The following NRXN1 variants were observed in gnomAD, a reference collection of about 807,000 sequenced individuals.
NRXN1 encodes neurexin-1.
In NRXN1, 39 loss-of-function variants were observed where a neutral mutation model predicts 150.9. That is an observed-to-expected ratio of 0.26 (90% CI 0.20 to 0.34). The LOEUF (loss-of-function observed/expected upper bound fraction) is 0.34, where lower values mean the gene tolerates loss of function less well. NRXN1 is among the 10% of genes least tolerant of loss of function. The pLI, the probability that NRXN1 is intolerant of heterozygous loss-of-function variation, is 1.00. For missense variants in NRXN1, 1,815 were observed against 1,949.9 expected (o/e 0.93, Z 1.30); for synonymous variants, 924 against 757.0 (o/e 1.22, Z -3.62).
intron 17 of NRXN1, among the ~76,000 whole-genome samples, chr2:50,270,526 G>C (rs2069453818): frequency 6.6e-6 from 1 of 151,776 alleles, no homozygotes; most frequent in African/African-American, 2.4e-5. Flanking sequence ...AAAATAAAAG[G>C]TATGTCTCAG....
intron 22 of NRXN1, among the ~76,000 whole-genome samples, chr2:49,933,171 C>A (rs1198511332): frequency 6.6e-6 from 1 of 152,130 alleles, no homozygotes; most frequent in Admixed American, 6.5e-5. Context: ...ACTGCAAGCT[C>A]TGCCTCCCAG....
At chr2:50,809,780 G>A (rs1287738572) in intron 5 of NRXN1, among the ~76,000 whole-genome samples, 4 of 152,090 alleles carry the variant, frequency 2.6e-5, no homozygotes, top group Admixed American at 1.3e-4. Context: ...AATATTAATT[G>A]CTAAACAACT....
At chr2:50,714,003 G>A (rs1695539052) in intron 5 of NRXN1, among the ~76,000 whole-genome samples, 1 of 152,118 alleles carries the variant, frequency 6.6e-6, no homozygotes, top group Non-Finnish European at 1.5e-5. Context: ...AGAGAGATAA[G>A]CAAGCTATAT....
chr2:50,111,832 T>TA (rs1282770812), intron 18 of NRXN1, among the ~76,000 whole-genome samples: 5 of 152,116 alleles, frequency 3.3e-5, no homozygotes, highest in Non-Finnish European at 2.9e-5. Context: ...TCCTTAAAGT[T>TA]TTTATAACCA....
intron 8 of NRXN1, among the ~76,000 whole-genome samples, chr2:50,564,989 T>C (rs1459604578): frequency 6.6e-6 from 1 of 152,178 alleles, no homozygotes; most frequent in Admixed American, 6.5e-5. Flanking sequence ...GAGAAACATA[T>C]TGGCTCTACG....
intron 5 of NRXN1, among the ~76,000 whole-genome samples, chr2:50,717,424 A>T (rs2105092031): frequency 6.6e-6 from 1 of 152,282 alleles, no homozygotes; most frequent in Admixed American, 6.5e-5. Context: ...TTGGAACAAC[A>T]TCTGTGTTTG....
intron 9 of NRXN1, among the ~76,000 whole-genome samples, chr2:50,542,206 G>A (rs2093407798): frequency 6.6e-6 from 1 of 152,132 alleles, no homozygotes; most frequent in African/African-American, 2.4e-5. Flanking sequence ...GCTTGAACCT[G>A]GGAGGCAGAG....
At chr2:49,990,997 G>A (rs1298671541) in intron 21 of NRXN1, among the ~76,000 whole-genome samples, 1 of 151,866 alleles carries the variant, frequency 6.6e-6, no homozygotes, top group Admixed American at 6.6e-5. Context: ...CTAAGAAAAT[G>A]TTTCCTACAT....
At chr2:50,701,578 TAC>T (rs1166725929) in intron 5 of NRXN1, among the ~76,000 whole-genome samples, 1 of 152,196 alleles carries the variant, frequency 6.6e-6, no homozygotes, top group Non-Finnish European at 1.5e-5. Flanking sequence ...CATGATTACC[TAC>T]CATCATTTAT....
intron 19 of NRXN1, among the ~76,000 whole-genome samples, chr2:50,086,496 G>A (rs1170024715): frequency 6.6e-6 from 1 of 152,070 alleles, no homozygotes; most frequent in Non-Finnish European, 1.5e-5. Context: ...CTTTCTCTCA[G>A]ATCCTCTTAT....
intron 17 of NRXN1, among the ~76,000 whole-genome samples, chr2:50,317,230 T>C (rs995310625): frequency 1.3e-5 from 2 of 151,968 alleles, no homozygotes; most frequent in Non-Finnish European, 2.9e-5. Context: ...TTCTACATAA[T>C]TGATTAATTA....
At chr2:50,055,422 G>A (rs908722166) in intron 19 of NRXN1, among the ~76,000 whole-genome samples, 4 of 152,082 alleles carry the variant, frequency 2.6e-5, no homozygotes, top group South Asian at 2.1e-4. Flanking sequence ...GGTGAAACAG[G>A]TTTAAGTTTT....
intron 5 of NRXN1, among the ~76,000 whole-genome samples, chr2:50,835,502 T>G (rs1048281924): frequency 6.6e-6 from 1 of 152,178 alleles, no homozygotes; most frequent in Non-Finnish European, 1.5e-5. Context: ...AAAGCAAATT[T>G]TAGATTAATC....
intron 5 of NRXN1, among the ~76,000 whole-genome samples, chr2:50,888,552 C>T (rs1680603898): frequency 6.6e-6 from 1 of 151,316 alleles, no homozygotes; most frequent in South Asian, 2.1e-4. Flanking sequence ...TTATCTTTTC[C>T]TCCCTCTCTC....
At chr2:50,679,063 T>G (rs1002095851) in intron 5 of NRXN1, among the ~76,000 whole-genome samples, 2 of 152,060 alleles carry the variant, frequency 1.3e-5, no homozygotes, top group Admixed American at 6.6e-5. Flanking sequence ...TCTTGGGGCA[T>G]GTACAGGCAC....
At chr2:50,410,290 G>T (rs77027482) in intron 17 of NRXN1, among the ~76,000 whole-genome samples, 5,365 of 152,224 alleles carry the variant, frequency 0.035, 329 homozygotes, top group African/African-American at 0.12. Context: ...TCTAAAGCTT[G>T]CACTGCTATC....
chr2:50,193,445 GCTT>G (rs2152825183), intron 18 of NRXN1, among the ~76,000 whole-genome samples: 2 of 152,144 alleles, frequency 1.3e-5, no homozygotes, highest in East Asian at 3.9e-4. Flanking sequence ...ATTTATTCCT[GCTT>G]CTTATTTTAC....
intron 17 of NRXN1, among the ~76,000 whole-genome samples, chr2:50,358,867 G>T (rs982505392): frequency 6.6e-6 from 1 of 152,190 alleles, no homozygotes; most frequent in Non-Finnish European, 1.5e-5. Flanking sequence ...CCACTGGGAC[G>T]AAGCTTCCAG....
chr2:50,042,410 T>TGAA, intron 21 of NRXN1, among the ~76,000 whole-genome samples: 1 of 152,316 alleles, frequency 6.6e-6, no homozygotes, highest in East Asian at 1.9e-4. Flanking sequence ...TGCCACCATG[T>TGAA]GAAGAAGCAT....
Sources: gnomAD v4.1 joint callset for allele counts (sites outside exome capture counted in the v4.1 genomes callset) on GRCh38, gnomAD v4.1.1 for gene constraint, MANE v1.5 for transcripts, NCBI Gene and HGNC (gene_info 2026-07-23, HGNC 2026-07-21) for gene names.